The following ADAMTSL3 variants were observed in gnomAD, a reference collection of about 807,000 sequenced individuals.
The protein encoded by ADAMTSL3 is ADAMTS like 3.
In ADAMTSL3, 128 loss-of-function variants were observed where a neutral mutation model predicts 201.7. The ratio of observed to expected loss-of-function variants is 0.63; its 90% CI spans 0.55 to 0.73. The LOEUF is 0.73. Ranked by LOEUF, ADAMTSL3 falls within the 30% of genes least tolerant of loss-of-function variation. The pLI is 0.00. For synonymous variants in ADAMTSL3, 738 were observed against 748.4 expected, an observed-to-expected ratio of 0.99 and a Z score of 0.23; for missense variants, 1,990 against 2,119.6, an observed-to-expected ratio of 0.94 and a Z score of 1.20.
At chr15:83,992,465 G>A (rs2067598654) in intron 23 of ADAMTSL3, among the ~76,000 whole-genome samples, 1 of 152,110 alleles carries the variant, frequency 6.6e-6, no homozygotes, top group African/African-American at 2.4e-5. Context: ...TTACAGAAAG[G>A]GCCGGCATTC....
At chr15:84,029,444 T>G (rs1281697434) in intron 27 of ADAMTSL3, among the ~76,000 whole-genome samples, 4 of 152,186 alleles carry the variant, frequency 2.6e-5, no homozygotes, top group Non-Finnish European at 5.9e-5. Flanking sequence ...TTGAGAGAGA[T>G]GATTTAGGGT....
chr15:83,796,790 C>T (rs1193060846), intron 4 of ADAMTSL3, among the ~76,000 whole-genome samples: 2 of 152,046 alleles, frequency 1.3e-5, no homozygotes, highest in Admixed American at 6.6e-5. Context: ...TTGAAAGTGG[C>T]CCTGTAAATC....
intron 3 of ADAMTSL3, among the ~76,000 whole-genome samples, chr15:83,709,449 G>C (rs991831486): frequency 1.3e-5 from 2 of 152,168 alleles, no homozygotes; most frequent in African/African-American, 4.8e-5. Flanking sequence ...ATTCCTCATA[G>C]TGGTTTTGGA....
chr15:83,859,600 G>C (rs2064814022), intron 8 of ADAMTSL3, among the ~76,000 whole-genome samples: 1 of 152,274 alleles, frequency 6.6e-6, no homozygotes, highest in East Asian at 1.9e-4. Flanking sequence ...CTGTGAAGTT[G>C]CTCATTACTT....
intron 17 of ADAMTSL3, among the ~76,000 whole-genome samples, chr15:83,927,451 A>ATGGATGAACC (rs1467008739): frequency 6.6e-6 from 1 of 152,186 alleles, no homozygotes; most frequent in Non-Finnish European, 1.5e-5. Flanking sequence ...ATTTAAAACA[A>ATGGATGAACC]TGGATGAACC....
intron 24 of ADAMTSL3, among the ~76,000 whole-genome samples, chr15:84,015,832 T>G (rs73443202): frequency 0.043 from 6,624 of 152,276 alleles, 455 homozygotes; most frequent in African/African-American, 0.15. Context: ...ATCTGCATGC[T>G]TGTCTCACTC....
rs1567169664 is a variant in ADAMTSL3, at chr15:83,823,940, CTTCTTCTTCTTCTTCTTCTTCTTCTTCTT to C, written c.600+3894_600+3922del. Reference sequence around the variant, plus strand: ...TCTTCTTCTTCTTCTTCTTCTTCTTCTTCTTCTTCTTCTTCTTCTTCTTCTTCTTCTTCTCCTCCTCCTCCTCCTCCTTC... The same window carrying C: ...TCTTCTTCTTCTTCTTCTTCTTCTTCCTTCTCCTCCTCCTCCTCCTCCTTC... On this transcript the variant is annotated intron_variant, in intron 6 of 29. Coordinates refer to ENST00000286744, the MANE Select transcript of ADAMTSL3 (RefSeq NM_207517.3). Among the ~76,000 whole-genome samples, 237 of 112,872 alleles carry C rather than the reference CTTCTTCTTCTTCTTCTTCTTCTTCTTCTT, an allele frequency of 2.1e-3. 10 individuals carry two copies. The highest frequency in any genetic ancestry group is 7.1e-3 in the African/African-American group (222 of 31,270). The allele number at this position is 112,872 out of a possible 152,430, so 74.0% of individuals were successfully genotyped here.
intron 17 of ADAMTSL3, among the ~76,000 whole-genome samples, chr15:83,937,156 T>A (rs1200137666): frequency 1.3e-5 from 2 of 150,992 alleles, no homozygotes; most frequent in Non-Finnish European, 2.9e-5. Context: ...ATTTCATTAT[T>A]GGGTATATAT....
intron 4 of ADAMTSL3, 46 bp downstream of exon 4, chr15:83,773,696 C>A (rs1377681086): frequency 6.3e-7 from 1 of 1,582,002 alleles, no homozygotes. Context: ...TGTGCCAGTG[C>A]CTCTGGATGG....
At chr15:83,943,120 T>C in intron 19 of ADAMTSL3, 38 bp downstream of exon 19, 2 of 1,554,192 alleles carry the variant, frequency 1.3e-6, no homozygotes, top group Non-Finnish European at 1.7e-6. Flanking sequence ...CCTTCTTTTC[T>C]GCCCCTCCTT....
intron 22 of ADAMTSL3, 65 bp downstream of exon 22, chr15:83,988,883 ATTTAT>A: frequency 9.8e-7 from 1 of 1,022,062 alleles, no homozygotes; most frequent in Non-Finnish European, 1.2e-6. Flanking sequence ...TTATTTATTT[ATTTAT>A]TTTTTTTTTT....
chr15:83,996,293 TATTA>T (rs1403780166), intron 23 of ADAMTSL3, among the ~76,000 whole-genome samples: 2 of 152,198 alleles, frequency 1.3e-5, no homozygotes, highest in East Asian at 1.9e-4. Context: ...CTTTTTGGTT[TATTA>T]ATTATATTTC....
At chr15:83,750,933 A>C (rs1221582136) in intron 3 of ADAMTSL3, among the ~76,000 whole-genome samples, 2 of 152,174 alleles carry the variant, frequency 1.3e-5, no homozygotes, top group Admixed American at 1.3e-4. Context: ...AACTCTATGC[A>C]TTTGTTCGTC....
Position 84,031,439 on chromosome 15 carries a change from G to T in ADAMTSL3, c.4754+7G>T, listed in dbSNP as rs749126880. On this transcript the variant is annotated splice_region_variant and intron_variant, in intron 28 of 29. Transcript: ENST00000286744. The stretch of plus-strand genomic sequence containing the variant: ...ACTGTGATGACAGAAAGAGGTAGGG[G>T]CCCCACCCCAGAGCAGCACACATTC... 1.9e-6 allele frequency: 3 copies of T among 1,613,876 alleles called. No homozygotes were observed. Among genetic ancestry groups the T allele is most frequent in the Non-Finnish European group, 2.5e-6 (3 of 1,179,898 alleles).
At chr15:83,793,430 G>A (rs1361680472) in intron 4 of ADAMTSL3, among the ~76,000 whole-genome samples, 2 of 151,836 alleles carry the variant, frequency 1.3e-5, no homozygotes, top group Admixed American at 6.6e-5. Flanking sequence ...TATTGTACAC[G>A]ATAAATACAT....
intron 3 of ADAMTSL3, among the ~76,000 whole-genome samples, chr15:83,708,495 G>T (rs147589095): frequency 2.0e-5 from 3 of 152,122 alleles, no homozygotes; most frequent in African/African-American, 7.2e-5. Flanking sequence ...TGGATCATAC[G>T]GAGGGCCGCG....
intron 26 of ADAMTSL3, among the ~76,000 whole-genome samples, chr15:84,022,262 T>C (rs12911612): frequency 0.16 from 24,877 of 152,122 alleles, 2,654 homozygotes; most frequent in Middle Eastern, 0.36. Flanking sequence ...CCAGGAGTCT[T>C]CTGGTTCTTA....
chr15:83,933,084 T>C (rs1256573495), intron 17 of ADAMTSL3, among the ~76,000 whole-genome samples: 1 of 152,238 alleles, frequency 6.6e-6, no homozygotes, highest in Non-Finnish European at 1.5e-5. Flanking sequence ...GCAGTTTATA[T>C]GGTTCCACTA....
intron 3 of ADAMTSL3, among the ~76,000 whole-genome samples, chr15:83,719,435 CAAAA>C (rs2062066124): frequency 6.6e-6 from 1 of 152,014 alleles, no homozygotes. Context: ...AATAAACAGA[CAAAA>C]AACCTACGAC....
Sources: gnomAD v4.1 joint callset for allele counts (sites outside exome capture counted in the v4.1 genomes callset) on GRCh38, gnomAD v4.1.1 for gene constraint, MANE v1.5 for transcripts, NCBI Gene and HGNC (gene_info 2026-07-23, HGNC 2026-07-21) for gene names.